GOLGA4: variants seen among roughly 807,000 people sequenced by gnomAD.
The protein encoded by GOLGA4 is golgin subfamily A member 4.
A neutral mutation model predicts 265.9 loss-of-function variants in GOLGA4; 169 were observed. That is an observed-to-expected ratio of 0.64 (90% CI 0.56 to 0.72). GOLGA4 has a LOEUF of 0.72. GOLGA4 is among the 30% of genes least tolerant of loss of function. GOLGA4 has a pLI of 0.00. For synonymous variants in GOLGA4, 923 were observed against 855.8 expected, an observed-to-expected ratio of 1.08 and a Z score of -1.37; for missense variants, 2,482 against 2,483.4, an observed-to-expected ratio of 1.00 and a Z score of 0.01.
chr3:37,270,892 C>G (rs758161528), intron 2 of GOLGA4, among the ~76,000 whole-genome samples: 7 of 151,860 alleles, frequency 4.6e-5, no homozygotes, highest in Admixed American at 2.0e-4. Flanking sequence ...TTATATAACT[C>G]GTGACAATGT....
chr3:37,361,849 G>A (rs186314364), intron 23 of GOLGA4, among the ~76,000 whole-genome samples: 50 of 152,314 alleles, frequency 3.3e-4, no homozygotes, highest in Admixed American at 2.6e-3. Context: ...TGAGGAGACC[G>A]TTAGGCAGCC....
intron 2 of GOLGA4, among the ~76,000 whole-genome samples, chr3:37,270,287 C>A (rs2096795072): frequency 6.8e-6 from 1 of 146,692 alleles, no homozygotes; most frequent in African/African-American, 2.5e-5. Context: ...CGCACTGCAG[C>A]CTCTGCCTCC....
At chr3:37,268,005 A>G (rs2096788128) in intron 2 of GOLGA4, among the ~76,000 whole-genome samples, 1 of 152,190 alleles carries the variant, frequency 6.6e-6, no homozygotes, top group African/African-American at 2.4e-5. Flanking sequence ...GCTACAAGTA[A>G]TATCTCATTG....
In GOLGA4 at chr3:37,324,554, T is replaced by A. The variant is rs1303663341; in HGVS notation, c.2668T>A (p.Ser890Thr). The change falls in exon 14 of 24, where the codon TCC becomes ACC. Residue 890 changes from serine to threonine, a missense_variant. By Grantham distance (58) the Ser-to-Thr change is moderately conservative (BLOSUM62 1). This residue lies in a region of GOLGA4 where 1,536 missense variants were observed against 1,483.7 expected (regional missense o/e 1.04). Coordinates refer to ENST00000361924, the MANE Select transcript of GOLGA4 (RefSeq NM_002078.5). ...KVKSLTQVYE[S>T]KLEDGNKEQE... ...AAAATCTTTAACCCAAGTCTATGAG[T>A]CCAAACTTGAAGATGGTAACAAAGA... 3 of 1,613,504 alleles carry A rather than the reference T, an allele frequency of 1.9e-6. No individual in the cohort carries two copies. Among genetic ancestry groups the A allele is most frequent in the Admixed American group, 3.3e-5 (2 of 59,970 alleles).
rs746773451 is a variant in GOLGA4 at position 37,325,576 on chromosome 3, T to C, written c.3690T>C (p.Ala1230=). The part of the protein sequence containing the change: ...CCKKTEALLE[A]KTNELINISS... ...AGAAAACCGAAGCCTTATTAGAAGC[T>C]AAAACAAATGAGCTAATCAACATTA... The change falls in exon 14 of 24, where the codon GCT becomes GCC. Residue 1230 remains alanine, a synonymous_variant. Coordinates refer to ENST00000361924, the MANE Select transcript of GOLGA4 (RefSeq NM_002078.5). The C allele has an allele frequency of 1.2e-6, 2 of 1,613,236 alleles. No homozygotes were observed. The highest frequency in any genetic ancestry group is 1.7e-6 in the Non-Finnish European group (2 of 1,179,364).
chr3:37,315,677 A>G (rs1243764925), intron 11 of GOLGA4, 79 bp downstream of exon 11: 7 of 1,181,476 alleles, frequency 5.9e-6, no homozygotes, highest in Non-Finnish European at 8.6e-6. Context: ...CTTTGACTGT[A>G]AAGAAGAGTT....
intron 19 of GOLGA4, among the ~76,000 whole-genome samples, 156 bp from the exon 20 acceptor site, chr3:37,339,968 G>A (rs927277621): frequency 1.1e-4 from 16 of 148,104 alleles, no homozygotes; most frequent in South Asian, 2.1e-4. Context: ...TTTTTTTTTC[G>A]CAGAAACAAT....
At chr3:37,246,384 A>C (rs1432446963) in intron 1 of GOLGA4, among the ~76,000 whole-genome samples, 1 of 152,242 alleles carries the variant, frequency 6.6e-6, no homozygotes, top group African/African-American at 2.4e-5. Context: ...CTAAGTCAAT[A>C]AAAGAAACAT....
rs1206104756 is a variant in GOLGA4 at position 37,319,108 on chromosome 3, A to AAGGAGCTGGCCAGAAAAGAGC, written c.1464_1484dup (p.Ala490_Leu496dup). On this transcript the variant is annotated inframe_insertion, in exon 12 of 24. Transcript: ENST00000361924. ...TGCTAAGCTACAGAAGCTTCATGAA[A>AAGGAGCTGGCCAGAAAAGAGC]AGGAGCTGGCCAGAAAAGAGCAGGA... The AAGGAGCTGGCCAGAAAAGAGC allele has an allele frequency of 1.2e-6, 2 of 1,609,800 alleles. No individual in the cohort carries two copies. The highest frequency in any genetic ancestry group is 1.3e-5 in the African/African-American group (1 of 74,710).
rs2096965470 is a variant in GOLGA4 at position 37,324,906 on chromosome 3, C to T, written c.3020C>T (p.Ala1007Val). 2 of 1,606,308 alleles carry T rather than the reference C, an allele frequency of 1.2e-6. No individual in the cohort carries two copies. The highest frequency in any genetic ancestry group is 1.7e-5 in the Admixed American group (1 of 57,860). The change falls in exon 14 of 24, where the codon GCA becomes GTA. Residue 1007 changes from alanine (A) to valine (V), a missense_variant. By Grantham distance (64) the Ala-to-Val change is moderately conservative (BLOSUM62 0). Transcript: ENST00000361924. Reference protein sequence around the residue: ...KQFNAKMLEMAQANSAGISDA... With the variant: ...KQFNAKMLEMVQANSAGISDA... ...TTTAATGCCAAAATGCTGGAAATGG[C>T]ACAGGCTAACTCAGCTGGAATCAGT...
chr3:37,277,426 C>G (rs1317960303), intron 2 of GOLGA4, among the ~76,000 whole-genome samples: 2 of 152,168 alleles, frequency 1.3e-5, no homozygotes, highest in African/African-American at 2.4e-5. Flanking sequence ...GGAAGACATA[C>G]TGGAAAGAAA....
intron 21 of GOLGA4, among the ~76,000 whole-genome samples, chr3:37,351,887 TA>T (rs1377399430): frequency 6.6e-6 from 1 of 152,046 alleles, no homozygotes; most frequent in Non-Finnish European, 1.5e-5. Flanking sequence ...TTTGGGATGG[TA>T]AATGAGCATT....
rs2096972284 is a variant in GOLGA4, at chr3:37,326,749, G to A, written c.4863G>A (p.Glu1621=). Residue 1621 remains glutamate, a synonymous_variant, in exon 14 of 24, where the codon GAG becomes GAA. Transcript: ENST00000361924. ...VNLSVKSKEE[E]LKALEDRLES... is the part of the protein sequence containing the mutation. ...TAAGTGTGAAAAGCAAAGAGGAGGA[G>A]TTAAAGGCATTGGAAGATAGGCTTG... is the stretch of plus-strand genomic sequence containing the variant. The A allele has an allele frequency of 1.2e-6, 2 of 1,613,662 alleles. No individual in the cohort carries two copies. The highest frequency in any genetic ancestry group is 2.2e-5 in the South Asian group (2 of 91,056).
chr3:37,330,021 TA>T (rs2096984875), intron 16 of GOLGA4, among the ~76,000 whole-genome samples: 1 of 149,304 alleles, frequency 6.7e-6, no homozygotes, highest in East Asian at 1.9e-4. Flanking sequence ...CACATGCCTA[TA>T]AATGCCACCT....
chr3:37,333,592 G>A (rs1020459733), intron 16 of GOLGA4, among the ~76,000 whole-genome samples: 2 of 152,112 alleles, frequency 1.3e-5, no homozygotes, highest in Non-Finnish European at 2.9e-5. Context: ...AGCTATAGAG[G>A]TTATTCTTTC....
chr3:37,362,779 G>GGTTTTTTTTTTTTTTTTTTTTTTT (rs1402900539), intron 23 of GOLGA4, among the ~76,000 whole-genome samples: 1 of 78,944 alleles, frequency 1.3e-5, no homozygotes, highest in Non-Finnish European at 2.9e-5. Flanking sequence ...CAGCCTCTAA[G>GGTTTTTTTTTTTTTTTTTTTTTTT]CTTTTTTTTT....
At chr3:37,328,564 A>G in intron 15 of GOLGA4, 27 bp downstream of exon 15, 1 of 1,591,968 alleles carries the variant, frequency 6.3e-7, no homozygotes. Flanking sequence ...TCCATAAGGA[A>G]CAATTATATC....
rs200490988 is a variant in GOLGA4, at chr3:37,243,625, A to G, written c.72+3A>G. On this transcript the variant is annotated splice_donor_region_variant and intron_variant, in intron 1 of 23. Transcript: ENST00000361924. Reference sequence around the variant, plus strand: ...AGCAGGCGCTGGCTCCTGCTCAGGTACGATGGCCGCCGCTCTCCTCCCCTG... The same window carrying G: ...AGCAGGCGCTGGCTCCTGCTCAGGTGCGATGGCCGCCGCTCTCCTCCCCTG... 1,097 of 1,609,270 alleles carry G rather than the reference A, an allele frequency of 6.8e-4. No homozygotes were observed. The highest frequency in any genetic ancestry group is 8.6e-4 in the Non-Finnish European group (1,017 of 1,177,214).
In GOLGA4 at chr3:37,243,275, C is replaced by T. The variant is rs1465109768; in HGVS notation, c.-276C>T. On this transcript the variant is annotated 5_prime_UTR_variant, in exon 1 of 24. Transcript: ENST00000361924. ...GCGCAAGCGCCCTTGGCGCACAGTTCACCTGCTGCCGTTGTCGTCGCCGCC... is the reference window on the plus strand; with the variant it reads ...GCGCAAGCGCCCTTGGCGCACAGTTTACCTGCTGCCGTTGTCGTCGCCGCC... 1 of 521,876 alleles carries T rather than the reference C, an allele frequency of 1.9e-6. No individual in the cohort carries two copies. The highest frequency in any genetic ancestry group is 3.5e-5 in the East Asian group (1 of 28,472). 32.3% of individuals were successfully genotyped at this position (521,876 alleles called of 1,614,324 possible).
Sources: allele counts gnomAD v4.1 joint callset (sites outside exome capture counted in the v4.1 genomes callset), GRCh38; gene constraint gnomAD v4.1.1; regional missense constraint gnomAD v4.1.1; transcripts MANE v1.5; gene names NCBI Gene and HGNC (gene_info 2026-07-23, HGNC 2026-07-21).